Variants in FAM117B observed in about 807,000 individuals in gnomAD.
FAM117B encodes protein FAM117B.
Under a neutral mutation model 52.8 loss-of-function variants are expected in FAM117B, and 22 were observed. The observed-to-expected ratio is 0.42, with a 90% CI of 0.30 to 0.59. The LOEUF (loss-of-function observed/expected upper bound fraction) is 0.59, where lower values mean the gene tolerates loss of function less well. FAM117B is among the 20% of genes least tolerant of loss of function. The probability of loss-of-function intolerance (pLI) is 0.22; values close to 1 mark genes in which losing one functional copy is unlikely to be tolerated. For missense variants in FAM117B, 678 were observed against 802.6 expected (o/e 0.84, Z 1.88); for synonymous variants, 309 against 324.1 (o/e 0.95, Z 0.50).
At chr2:202,681,371 T>TA (rs1277864342) in intron 1 of FAM117B, among the ~76,000 whole-genome samples, 1 of 152,150 alleles carries the variant, frequency 6.6e-6, no homozygotes, top group Non-Finnish European at 1.5e-5. Flanking sequence ...AGACTGGATT[T>TA]AACAAAAAGT....
intron 2 of FAM117B, among the ~76,000 whole-genome samples, chr2:202,722,098 C>T (rs761940206): frequency 6.6e-6 from 1 of 150,404 alleles, no homozygotes; most frequent in Non-Finnish European, 1.5e-5. Context: ...GCAACCTCCA[C>T]CTCCCAAGTT....
chr2:202,716,415 ATTTTGTTATTTG>A (rs1691057772), intron 2 of FAM117B, among the ~76,000 whole-genome samples: 1 of 151,746 alleles, frequency 6.6e-6, no homozygotes, highest in Non-Finnish European at 1.5e-5. Context: ...TACTCCTGCC[ATTTTGTTATTTG>A]TTTTCTGGTT....
Position 202,765,947 on chromosome 2 carries a change from C to A in FAM117B, c.*183C>A. On this transcript the variant is annotated 3_prime_UTR_variant, in exon 8 of 8. Coordinates refer to ENST00000392238, the MANE Select transcript of FAM117B (RefSeq NM_173511.4). ...GCTCTGCCCCACTTGTGAACGCCAA[C>A]CCTCAGTGCTTAGCCTGCTTTTTAT... 1 of 617,524 alleles carries A rather than the reference C, an allele frequency of 1.6e-6. No homozygotes were observed. Among genetic ancestry groups the A allele is most frequent in the Non-Finnish European group, 2.8e-6 (1 of 355,806 alleles). 38.3% of individuals were successfully genotyped at this position (617,524 alleles called of 1,614,324 possible).
chr2:202,700,570 A>C (rs971374303), intron 2 of FAM117B, among the ~76,000 whole-genome samples: 1 of 152,268 alleles, frequency 6.6e-6, no homozygotes, highest in African/African-American at 2.4e-5. Flanking sequence ...GAAAGAAGCC[A>C]TCTGCATAAC....
chr2:202,653,143 C>A lies in FAM117B; in HGVS notation c.601+17355C>A, dbSNP rs548194487. ...ATTAGCTAGATGAGGTGGCACACACCTGTAGTCCCAGCTGCTTAGGGGGCT... is the reference window on the plus strand; with the variant it reads ...ATTAGCTAGATGAGGTGGCACACACATGTAGTCCCAGCTGCTTAGGGGGCT... On this transcript the variant is annotated intron_variant, in intron 1 of 7. Coordinates refer to ENST00000392238, the MANE Select transcript of FAM117B (RefSeq NM_173511.4). 1.8e-3 allele frequency among the ~76,000 whole-genome samples: 267 copies of A among 152,190 alleles called. 1 individual carries two copies. The highest frequency in any genetic ancestry group is 6.3e-3 in the African/African-American group (262 of 41,504).
intron 2 of FAM117B, among the ~76,000 whole-genome samples, chr2:202,707,487 T>G (rs1690890951): frequency 6.6e-6 from 1 of 152,002 alleles, no homozygotes; most frequent in Non-Finnish European, 1.5e-5. Flanking sequence ...GTAGATCACT[T>G]GAGCTCAGGA....
At chr2:202,655,759 AGAGTGT>A (rs1362130645) in intron 1 of FAM117B, among the ~76,000 whole-genome samples, 6 of 122,090 alleles carry the variant, frequency 4.9e-5, no homozygotes, top group African/African-American at 9.1e-5. Flanking sequence ...AGAGAGAGAG[AGAGTGT>A]GTGTGTGTGT....
At chr2:202,689,263 A>G (rs1274089829) in intron 1 of FAM117B, among the ~76,000 whole-genome samples, 1 of 151,904 alleles carries the variant, frequency 6.6e-6, no homozygotes, top group Admixed American at 6.6e-5. Context: ...CAACATGGCA[A>G]AACCCCATCT....
chr2:202,736,559 G>A (rs1308909456), intron 4 of FAM117B, among the ~76,000 whole-genome samples: 2 of 152,094 alleles, frequency 1.3e-5, no homozygotes, highest in Non-Finnish European at 2.9e-5. Flanking sequence ...CCAGGAGTTC[G>A]AGACCAGCCT....
intron 2 of FAM117B, among the ~76,000 whole-genome samples, chr2:202,715,028 G>A (rs538524278): frequency 3.5e-4 from 53 of 152,254 alleles, no homozygotes; most frequent in East Asian, 2.3e-3. Context: ...ATCATGGCCC[G>A]TTCTCAATGA....
chr2:202,722,251 C>A (rs1691167016), intron 2 of FAM117B, among the ~76,000 whole-genome samples: 1 of 151,992 alleles, frequency 6.6e-6, no homozygotes, highest in Non-Finnish European at 1.5e-5. Flanking sequence ...ACTTCGTGAT[C>A]CACCCGCCTC....
chr2:202,762,995 C>G (rs1691918425), intron 7 of FAM117B, among the ~76,000 whole-genome samples: 1 of 150,784 alleles, frequency 6.6e-6, no homozygotes, highest in South Asian at 2.1e-4. Flanking sequence ...AAAACTTTAT[C>G]TAAATCAGGA....
intron 4 of FAM117B, among the ~76,000 whole-genome samples, chr2:202,743,108 A>G (rs1194757101): frequency 1.3e-5 from 2 of 152,176 alleles, no homozygotes; most frequent in Non-Finnish European, 2.9e-5. Context: ...CAGACCCACC[A>G]ATACTGGTGC....
chr2:202,659,558 C>A (rs7593680), intron 1 of FAM117B, among the ~76,000 whole-genome samples: 148,188 of 148,202 alleles, frequency 1, 74,087 homozygotes, highest in Middle Eastern at 1. Context: ...CGATCCACCC[C>A]CCTTGGTCTC....
chr2:202,646,514 T>G lies in FAM117B; in HGVS notation c.601+10726T>G, dbSNP rs181093559. Among the ~76,000 whole-genome samples, 18 of 152,286 alleles carry G rather than the reference T, an allele frequency of 1.2e-4. No homozygotes were observed. The East Asian group carries it at 3.3e-3, about 28-fold the overall frequency. The stretch of plus-strand genomic sequence containing the variant: ...TAAGGATATGTGTAGTGTCCTTAAG[T>G]CCAGAGCCTGTCTCGTTAATTTCTA... On this transcript the variant is annotated intron_variant, in intron 1 of 7. Coordinates refer to ENST00000392238, the MANE Select transcript of FAM117B (RefSeq NM_173511.4).
intron 1 of FAM117B, among the ~76,000 whole-genome samples, chr2:202,644,064 G>GTTTGTTTTTTTTTTT (rs1689816805): frequency 3.2e-5 from 3 of 95,164 alleles, no homozygotes; most frequent in African/African-American, 9.0e-5. Context: ...TTTTTTTTTT[G>GTTTGTTTTTTTTTTT]TTTTTTTTTT....
At chr2:202,643,859 A>G (rs969807099) in intron 1 of FAM117B, among the ~76,000 whole-genome samples, 39 of 152,054 alleles carry the variant, frequency 2.6e-4, no homozygotes, top group African/African-American at 8.7e-4. Context: ...GTAGGTGTGT[A>G]GCACCATTCC....
At chr2:202,709,559 T>A (rs1288077912) in intron 2 of FAM117B, among the ~76,000 whole-genome samples, 1 of 152,190 alleles carries the variant, frequency 6.6e-6, no homozygotes, top group Non-Finnish European at 1.5e-5. Flanking sequence ...TTCTTACGTA[T>A]TTTGGAGATT....
At chr2:202,701,842 AGTG>A (rs1158040247) in intron 2 of FAM117B, among the ~76,000 whole-genome samples, 4 of 152,230 alleles carry the variant, frequency 2.6e-5, no homozygotes, top group African/African-American at 9.6e-5. Flanking sequence ...GAGCAAATAA[AGTG>A]GTTTCTTGAG....
Sources: allele counts gnomAD v4.1 joint callset (sites outside exome capture counted in the v4.1 genomes callset), GRCh38; gene constraint gnomAD v4.1.1; transcripts MANE v1.5; gene names NCBI Gene and HGNC (gene_info 2026-07-23, HGNC 2026-07-21).